Variants in PIK3C2G observed in about 807,000 individuals in gnomAD.
PIK3C2G encodes the protein phosphatidylinositol-4-phosphate 3-kinase catalytic subunit type 2 gamma, also known as phosphatidylinositol 3-kinase C2 domain-containing subunit gamma.
In PIK3C2G, 168 loss-of-function variants were observed where a neutral mutation model predicts 181.1. That is an observed-to-expected ratio of 0.93 (90% CI 0.82 to 1.05). PIK3C2G has a LOEUF of 1.05. Ranked by LOEUF, PIK3C2G falls within the 50% of genes least tolerant of loss-of-function variation. PIK3C2G has a pLI of 0.00. For synonymous variants in PIK3C2G, 573 were observed against 592.2 expected (o/e 0.97, Z 0.47); for missense variants, 1,869 against 1,732.8 (o/e 1.08, Z -1.40).
At chr12:18,377,324 T>C (rs1942521276) in intron 13 of PIK3C2G, among the ~76,000 whole-genome samples, 1 of 152,248 alleles carries the variant, frequency 6.6e-6, no homozygotes, top group Non-Finnish European at 1.5e-5. Flanking sequence ...AATGAATTTA[T>C]ACGATATATT....
chr12:18,282,278 C>A lies in PIK3C2G; in HGVS notation c.197C>A (p.Pro66His). The A allele has an allele frequency of 6.2e-7, 1 of 1,612,938 alleles. No individual in the cohort carries two copies. ...ATTGATGAAAACACCTTTTTTGTGCCCACTGCACCAAAATGGGACTCAACA... is the reference window on the plus strand; with the variant it reads ...ATTGATGAAAACACCTTTTTTGTGCACACTGCACCAAAATGGGACTCAACA... ...SEIDENTFFVPTAPKWDSTGH... is the reference protein window; with the variant it reads ...SEIDENTFFVHTAPKWDSTGH... The change falls in exon 2 of 33, where the codon CCC (proline) becomes CAC (histidine). Residue 66 changes from proline (P) to histidine (H), a missense_variant. Pro to His is a moderately conservative substitution (Grantham distance 77). Transcript: ENST00000538779.
intron 30 of PIK3C2G, among the ~76,000 whole-genome samples, chr12:18,601,158 T>A (rs73068384): frequency 0.028 from 4,256 of 151,998 alleles, 66 homozygotes; most frequent in Middle Eastern, 0.062. Flanking sequence ...CTATACATAA[T>A]ATATAATACA....
intron 11 of PIK3C2G, 41 bp downstream of exon 11, chr12:18,346,877 C>A: frequency 7.4e-7 from 1 of 1,346,682 alleles, no homozygotes; most frequent in Non-Finnish European, 1.0e-6. Flanking sequence ...TTCATTTTTA[C>A]ATAGCTTCTA....
intron 24 of PIK3C2G, among the ~76,000 whole-genome samples, chr12:18,516,317 C>T (rs557821427): frequency 2.3e-4 from 35 of 151,114 alleles, no homozygotes; most frequent in African/African-American, 8.3e-4. Flanking sequence ...TTCTCCTGCC[C>T]TGCAGGGTTT....
intron 3 of PIK3C2G, among the ~76,000 whole-genome samples, chr12:18,289,339 T>C (rs561798928): frequency 6.6e-6 from 1 of 152,334 alleles, no homozygotes; most frequent in East Asian, 1.9e-4. Flanking sequence ...TTCTGGCCCA[T>C]GGTAGATGCT....
chr12:18,260,929 T>C (rs1373387858), upstream of PIK3C2G, among the ~76,000 whole-genome samples: 2 of 152,130 alleles, frequency 1.3e-5, no homozygotes, highest in African/African-American at 4.8e-5. Context: ...ATCTTATAAA[T>C]ATTGTTTTAT....
intron 19 of PIK3C2G, among the ~76,000 whole-genome samples, chr12:18,490,225 T>C (rs1216019577): frequency 6.6e-6 from 1 of 152,092 alleles, no homozygotes; most frequent in East Asian, 1.9e-4. Context: ...CACAGAGGGC[T>C]GTAATGCAAC....
At chr12:18,645,967 T>C (rs516340) in intron 32 of PIK3C2G, among the ~76,000 whole-genome samples, 26,091 of 151,962 alleles carry the variant, frequency 0.17, 2,834 homozygotes, top group African/African-American at 0.3. Context: ...GAACATGATG[T>C]AGGAAGAAAA....
chr12:18,450,182 A>G (rs905123287), intron 18 of PIK3C2G, among the ~76,000 whole-genome samples: 3 of 152,148 alleles, frequency 2.0e-5, no homozygotes, highest in African/African-American at 7.2e-5. Flanking sequence ...ACTGCAGTGC[A>G]ATGGCACAAT....
intron 18 of PIK3C2G, among the ~76,000 whole-genome samples, chr12:18,442,939 T>TCCACCTCC (rs1946827531): frequency 6.6e-6 from 1 of 151,860 alleles, no homozygotes; most frequent in African/African-American, 2.4e-5. Flanking sequence ...TGGTGCAATC[T>TCCACCTCC]CGGCTCACTG....
At chr12:18,367,947 G>A (rs978363257) in intron 12 of PIK3C2G, among the ~76,000 whole-genome samples, 3 of 152,092 alleles carry the variant, frequency 2.0e-5, no homozygotes, top group African/African-American at 7.2e-5. Flanking sequence ...ATGGCAGAAG[G>A]GATAGGAGAA....
At chr12:18,619,677 A>G (rs188960492) in intron 31 of PIK3C2G, among the ~76,000 whole-genome samples, 16 of 151,980 alleles carry the variant, frequency 1.1e-4, no homozygotes, top group African/African-American at 3.6e-4. Flanking sequence ...ATTTCCAGAG[A>G]TGTATCTGTT....
rs781239554 is a variant in PIK3C2G at position 18,391,155 on chromosome 12, A to G, written c.2029A>G (p.Lys677Glu). Residue 677 changes from lysine to glutamate, a missense_variant, in exon 15 of 33, where the codon AAA becomes GAA. Transcript: ENST00000538779. Reference sequence around the variant, plus strand: ...TCCAGCTACTGGGTGGGAGTATATGAAACCTGATTCTGAAGAGAATAGAAG... The same window carrying G: ...TCCAGCTACTGGGTGGGAGTATATGGAACCTGATTCTGAAGAGAATAGAAG... ...DFPATGWEYM[K>E]PDSEENRSNL... The G allele has an allele frequency of 4.4e-6, 7 of 1,609,178 alleles. No homozygotes were observed. The highest frequency in any genetic ancestry group is 5.9e-6 in the Non-Finnish European group (7 of 1,177,300).
intron 29 of PIK3C2G, among the ~76,000 whole-genome samples, chr12:18,579,361 T>C (rs1388365350): frequency 6.6e-6 from 1 of 152,212 alleles, no homozygotes; most frequent in Non-Finnish European, 1.5e-5. Flanking sequence ...GCCCTTCTAG[T>C]ATAATTCTTA....
At chr12:18,506,003 A>G (rs376663151) in intron 24 of PIK3C2G, among the ~76,000 whole-genome samples, 2 of 152,208 alleles carry the variant, frequency 1.3e-5, no homozygotes, top group African/African-American at 4.8e-5. Context: ...AAGCTAAGAA[A>G]TGACTTGAGA....
chr12:18,321,695 G>A (rs922740012), intron 7 of PIK3C2G, among the ~76,000 whole-genome samples: 3 of 152,072 alleles, frequency 2.0e-5, no homozygotes, highest in Non-Finnish European at 2.9e-5. Context: ...AAAGACATGG[G>A]ATCAACCCAT....
At chr12:18,338,980 T>C (rs1405483059) in intron 9 of PIK3C2G, among the ~76,000 whole-genome samples, 2 of 152,096 alleles carry the variant, frequency 1.3e-5, no homozygotes, top group African/African-American at 4.8e-5. Context: ...TTTGTATGGA[T>C]AAGCATATTT....
At chr12:18,438,859 A>G (rs533790589) in intron 18 of PIK3C2G, among the ~76,000 whole-genome samples, 44 of 152,040 alleles carry the variant, frequency 2.9e-4, no homozygotes, top group African/African-American at 1.0e-3. Flanking sequence ...AAGAAATACA[A>G]TTGGGCTTAA....
intron 18 of PIK3C2G, among the ~76,000 whole-genome samples, chr12:18,486,689 A>C (rs1311376094): frequency 6.6e-6 from 1 of 152,084 alleles, no homozygotes; most frequent in Non-Finnish European, 1.5e-5. Flanking sequence ...CCCAATATTC[A>C]AAGTGTATGA....
Sources: allele counts gnomAD v4.1 joint callset (sites outside exome capture counted in the v4.1 genomes callset), GRCh38; gene constraint gnomAD v4.1.1; transcripts MANE v1.5; gene names NCBI Gene and HGNC (gene_info 2026-07-23, HGNC 2026-07-21).